The following KCNIP3 variants were observed in gnomAD, a reference collection of about 807,000 sequenced individuals.
KCNIP3 encodes calsenilin.
A neutral mutation model predicts 35.0 loss-of-function variants in KCNIP3; 28 were observed. The observed-to-expected ratio is 0.80, with a 90% CI of 0.59 to 1.10. The LOEUF (loss-of-function observed/expected upper bound fraction) is 1.10, where lower values mean the gene tolerates loss of function less well. Ranked by LOEUF, KCNIP3 falls within the 50% of genes least tolerant of loss-of-function variation. The pLI is 0.00. For synonymous variants in KCNIP3, 134 were observed against 133.8 expected (o/e 1.00, Z -0.01); for missense variants, 295 against 338.4 (o/e 0.87, Z 1.01).
At chr2:95,366,833 G>A (rs1389702131) in intron 2 of KCNIP3, among the ~76,000 whole-genome samples, 3 of 152,172 alleles carry the variant, frequency 2.0e-5, no homozygotes, top group Non-Finnish European at 4.4e-5. Flanking sequence ...ATCCTCTATA[G>A]TGAAGTGTTT....
Position 95,374,923 on chromosome 2 carries a change from T to A in KCNIP3, c.376+6T>A. 6.2e-7 allele frequency: 1 copy of A among 1,613,446 alleles called. No individual in the cohort carries two copies. Among genetic ancestry groups the A allele is most frequent in the South Asian group, 1.1e-5 (1 of 91,066 alleles). On this transcript the variant is annotated splice_donor_region_variant and intron_variant, in intron 4 of 8. Transcript: ENST00000295225. ...GCAGTTCTTCCCTCAGGGAGGTGAG[T>A]CTGAGGCAGGGCAGCCCTGCTGTGT...
intron 3 of KCNIP3, 126 bp downstream of exon 3, chr2:95,374,546 G>C: frequency 8.1e-7 from 1 of 1,239,940 alleles, no homozygotes; most frequent in Non-Finnish European, 1.1e-6. Context: ...TGGGAAAGCT[G>C]TGTGGCGGGG....
intron 3 of KCNIP3, 22 bp from the exon 4 acceptor site, chr2:95,374,826 A>AG: frequency 6.2e-7 from 1 of 1,612,224 alleles, no homozygotes; most frequent in African/African-American, 1.3e-5. Context: ...CCGAGGGCTG[A>AG]GGGGGTGCCT....
intron 2 of KCNIP3, among the ~76,000 whole-genome samples, chr2:95,360,450 C>T (rs182717968): frequency 1.8e-4 from 27 of 152,286 alleles, no homozygotes; most frequent in Admixed American, 1.2e-3. Context: ...CTGTTCATGG[C>T]GACAGGCTTT....
At chr2:95,360,309 T>C (rs1408152231) in intron 2 of KCNIP3, among the ~76,000 whole-genome samples, 2 of 152,202 alleles carry the variant, frequency 1.3e-5, no homozygotes, top group Non-Finnish European at 2.9e-5. Context: ...TCCAATACCT[T>C]ATTCCTCAAT....
rs1339233259 is a variant in KCNIP3 at position 95,301,322 on chromosome 2, T to TG, written c.15+3870dup. ...TGTGCACACAAATGTCCATGGGTCT[T>TG]GCGCAGAGCCCTGATCCTCACTGTG... On this transcript the variant is annotated intron_variant, in intron 1 of 8. Coordinates refer to ENST00000295225, the MANE Select transcript of KCNIP3 (RefSeq NM_013434.5). Among the ~76,000 whole-genome samples, 25 of 152,216 alleles carry TG rather than the reference T, an allele frequency of 1.6e-4. No homozygotes were observed. The East Asian group carries it at 4.8e-3, about 29-fold the overall frequency.
intron 2 of KCNIP3, among the ~76,000 whole-genome samples, chr2:95,369,682 G>A (rs1216055019): frequency 6.6e-6 from 1 of 151,454 alleles, no homozygotes; most frequent in African/African-American, 2.4e-5. Context: ...CCAGGCTGAA[G>A]TGCAGTGGTA....
intron 2 of KCNIP3, among the ~76,000 whole-genome samples, chr2:95,324,989 G>T (rs1248209439): frequency 6.6e-6 from 1 of 152,230 alleles, no homozygotes; most frequent in African/African-American, 2.4e-5. Context: ...GGACCACGGT[G>T]ACAAACCCCT....
intron 6 of KCNIP3, among the ~76,000 whole-genome samples, chr2:95,382,000 C>T (rs1428821615): frequency 6.6e-6 from 1 of 152,202 alleles, no homozygotes; most frequent in East Asian, 1.9e-4. Flanking sequence ...GTGGAGAAGC[C>T]AGAGGTCCTG....
rs371245568 is a variant in KCNIP3 at position 95,326,908 on chromosome 2, G to A, written c.181+16388G>A. Among the ~76,000 whole-genome samples the A allele has an allele frequency of 4.1e-4, 62 of 152,290 alleles. 1 individual carries two copies. In the South Asian group the frequency reaches 6.0e-3, roughly 15 times the overall value. On this transcript the variant is annotated intron_variant, in intron 2 of 8. Coordinates refer to ENST00000295225, the MANE Select transcript of KCNIP3 (RefSeq NM_013434.5). ...CAGGGCACTCATGCGTGGGGCCCTCGCTGCCCCCAGCACCCGCACCTCATG... is the reference window on the plus strand; with the variant it reads ...CAGGGCACTCATGCGTGGGGCCCTCACTGCCCCCAGCACCCGCACCTCATG...
intron 2 of KCNIP3, among the ~76,000 whole-genome samples, chr2:95,372,069 T>C (rs1234433712): frequency 6.6e-6 from 1 of 152,116 alleles, no homozygotes; most frequent in Non-Finnish European, 1.5e-5. Context: ...CCTCCCAAAG[T>C]GTTGGGGTTA....
At chr2:95,320,827 G>C (rs1428363408) in intron 2 of KCNIP3, among the ~76,000 whole-genome samples, 1 of 151,786 alleles carries the variant, frequency 6.6e-6, no homozygotes, top group African/African-American at 2.4e-5. Flanking sequence ...CCCCAGGGTG[G>C]GAGAAGGAGG....
Position 95,325,896 on chromosome 2 carries a change from GAC to G in KCNIP3, c.181+15382_181+15383del, listed in dbSNP as rs1054350943. Among the ~76,000 whole-genome samples the G allele has an allele frequency of 1.2e-3, 161 of 133,930 alleles. 1 individual carries two copies. The highest frequency in any genetic ancestry group is 7.7e-3 in the South Asian group (32 of 4,132). The allele number at this position is 133,930 out of a possible 152,430, so 87.9% of individuals were successfully genotyped here. On this transcript the variant is annotated intron_variant, in intron 2 of 8. Coordinates refer to ENST00000295225, the MANE Select transcript of KCNIP3 (RefSeq NM_013434.5). ...ACACTCAGACATACACACACTCATA[GAC>G]ACACATTCACTCATACACATACACA...
At chr2:95,350,536 G>A (rs573794267) in intron 2 of KCNIP3, among the ~76,000 whole-genome samples, 247 of 152,280 alleles carry the variant, frequency 1.6e-3, no homozygotes, top group Non-Finnish European at 2.7e-3. Flanking sequence ...TCCTGCTGGC[G>A]AACCTGAGGC....
Position 95,374,304 on chromosome 2 carries a change from G to C in KCNIP3, c.190G>C (p.Asp64His). 1 of 1,613,890 alleles carries C rather than the reference G, an allele frequency of 6.2e-7. No individual in the cohort carries two copies. Among genetic ancestry groups the C allele is most frequent in the Non-Finnish European group, 8.5e-7 (1 of 1,179,916 alleles). Residue 64 changes from aspartate to histidine, a missense_variant, in exon 3 of 9, where the codon GAC (aspartate) becomes CAC (histidine). Asp to His is a moderately conservative substitution (Grantham distance 81, BLOSUM62 -1). Transcript: ENST00000295225. ...TCTGTGTCCCACTCCAGATAGCAGC[G>C]ACAGTGAGCTGGAGCTGTCCACGGT... ...STAPQGSDSS[D>H]SELELSTVRH... is the part of the protein sequence containing the mutation.
At chr2:95,324,438 C>T (rs1678673566) in intron 2 of KCNIP3, among the ~76,000 whole-genome samples, 1 of 151,344 alleles carries the variant, frequency 6.6e-6, no homozygotes, top group Admixed American at 6.6e-5. Context: ...GGCGTGGGCC[C>T]AGGAGGCGGA....
chr2:95,382,363 G>C lies in KCNIP3; in HGVS notation c.556-14G>C. On this transcript the variant is annotated splice_polypyrimidine_tract_variant and intron_variant, in intron 6 of 8. Coordinates refer to ENST00000295225, the MANE Select transcript of KCNIP3 (RefSeq NM_013434.5). The surrounding 1 kb of genome is among the most constrained non-coding windows in gnomAD (Gnocchi z 4.5). The stretch of plus-strand genomic sequence containing the variant: ...CCGGCCTTGCAGCAGGCTCATGCCA[G>C]CCTCCCCCTCCAGGAGATGCTGGCC... The C allele has an allele frequency of 6.4e-7, 1 of 1,554,600 alleles. No individual in the cohort carries two copies. The highest frequency in any genetic ancestry group is 8.7e-7 in the Non-Finnish European group (1 of 1,148,196).
chr2:95,301,066 C>T (rs1490067266), intron 1 of KCNIP3, among the ~76,000 whole-genome samples: 2 of 152,262 alleles, frequency 1.3e-5, no homozygotes, highest in East Asian at 1.9e-4. Context: ...GCCACATGCC[C>T]CTGTGCCCAG....
intron 2 of KCNIP3, among the ~76,000 whole-genome samples, chr2:95,362,852 T>G (rs1004752642): frequency 1.3e-5 from 2 of 152,210 alleles, no homozygotes; most frequent in African/African-American, 4.8e-5. Flanking sequence ...GAATTACCAT[T>G]GATCTACATA....
Sources: gnomAD v4.1 joint callset for allele counts (sites outside exome capture counted in the v4.1 genomes callset) on GRCh38, gnomAD v4.1.1 for gene constraint, Gnocchi (gnomAD v3.1) non-coding constraint, MANE v1.5 for transcripts, NCBI Gene and HGNC (gene_info 2026-07-23, HGNC 2026-07-21) for gene names.